Variants in C7orf57 observed in about 807,000 individuals in gnomAD.
C7orf57 encodes chromosome 7 open reading frame 57.
Under a neutral mutation model 39.0 loss-of-function variants are expected in C7orf57, and 33 were observed. The observed-to-expected ratio is 0.85, with a 90% CI of 0.64 to 1.13. The LOEUF is 1.13. Among genes scored for constraint, C7orf57 ranks in the 50% most tolerant of loss-of-function variants. The pLI, the probability that C7orf57 is intolerant of heterozygous loss-of-function variation, is 0.00. For missense variants in C7orf57, 346 were observed against 362.3 expected, an observed-to-expected ratio of 0.95 and a Z score of 0.37; for synonymous variants, 124 against 137.1, an observed-to-expected ratio of 0.90 and a Z score of 0.67.
At chr7:48,050,054 G>A in intron 6 of C7orf57, 77 bp downstream of exon 6, 1 of 960,768 alleles carries the variant, frequency 1.0e-6, no homozygotes, top group Non-Finnish European at 1.7e-6. Context: ...GGTGATGACT[G>A]CGCTAGTGAC....
intron 6 of C7orf57, among the ~76,000 whole-genome samples, chr7:48,051,671 TCTTC>T (rs1325080647): frequency 7.2e-4 from 107 of 147,630 alleles, no homozygotes; most frequent in African/African-American, 1.2e-3. Flanking sequence ...TTTCTTCCTT[TCTTC>T]CTTCCTTCCT....
intron 4 of C7orf57, among the ~76,000 whole-genome samples, chr7:48,043,908 G>A (rs1790631194): frequency 6.6e-6 from 1 of 152,064 alleles, no homozygotes; most frequent in African/African-American, 2.4e-5. Context: ...CTTCCAAGAT[G>A]GTGGTGGGCT....
intron 5 of C7orf57, among the ~76,000 whole-genome samples, chr7:48,048,789 GTTC>G (rs34381864): frequency 0.86 from 130,056 of 151,536 alleles, 56,340 homozygotes; most frequent in Non-Finnish European, 0.93. Flanking sequence ...AGTCTTTATA[GTTC>G]TTCTGGACAG....
chr7:48,054,117 T>TA (rs1406903660), intron 7 of C7orf57, among the ~76,000 whole-genome samples: 1 of 152,150 alleles, frequency 6.6e-6, no homozygotes, highest in Non-Finnish European at 1.5e-5. Context: ...TCAGTGTTGT[T>TA]AAAAAGCACC....
chr7:48,053,682 C>T, intron 7 of C7orf57, among the ~76,000 whole-genome samples: 1 of 152,180 alleles, frequency 6.6e-6, no homozygotes, highest in East Asian at 1.9e-4. Flanking sequence ...AACTCCTGGG[C>T]TCAAACAATT....
intron 2 of C7orf57, among the ~76,000 whole-genome samples, chr7:48,037,646 T>C (rs1288412328): frequency 6.6e-6 from 1 of 152,138 alleles, no homozygotes; most frequent in African/African-American, 2.4e-5. Context: ...AGGCTATATA[T>C]ATATATAAAA....
intron 7 of C7orf57, 38 bp from the exon 8 acceptor site, chr7:48,054,557 T>G (rs1365793013): frequency 6.6e-7 from 1 of 1,520,352 alleles, no homozygotes; most frequent in African/African-American, 1.4e-5. Flanking sequence ...CTTGATCTGT[T>G]TCATTAACCT....
rs1791279857 is a variant in C7orf57, at chr7:48,061,229, G to A, written c.*957G>A. The stretch of plus-strand genomic sequence containing the variant: ...CATTGATCAAACTGATATGCTACAG[G>A]AGAATGTATGCAATGTGTAAAAAAT... On this transcript the variant is annotated 3_prime_UTR_variant, in exon 9 of 9. Transcript: ENST00000348904. 1 of 152,106 alleles carries A rather than the reference G, an allele frequency of 6.6e-6. No homozygotes were observed. The highest frequency in any genetic ancestry group is 2.1e-4 in the South Asian group (1 of 4,828). 9.4% of individuals were successfully genotyped at this position (152,106 alleles called of 1,614,324 possible).
intron 8 of C7orf57, among the ~76,000 whole-genome samples, chr7:48,057,065 GT>G (rs34277879): frequency 0.3 from 43,385 of 143,244 alleles, 6,676 homozygotes; most frequent in Middle Eastern, 0.51. Flanking sequence ...CCATATATCT[GT>G]TTTTTTTTTT....
At position 48,038,862 on chromosome 7, in the gene C7orf57, G is replaced by A. The variant is rs974602057; in HGVS notation, c.56-2472G>A. ...GTGGGATAACTCCAAGTATGTGTGT[G>A]TATGTGGGTGGGGGGTGGTTCCAGG... On this transcript the variant is annotated intron_variant, in intron 2 of 8. Transcript: ENST00000348904. 4.6e-5 allele frequency among the ~76,000 whole-genome samples: 7 copies of A among 152,308 alleles called. No individual in the cohort carries two copies. The East Asian group carries it at 1.2e-3, about 25-fold the overall frequency.
chr7:48,044,133 C>T (rs1341422925), intron 4 of C7orf57, among the ~76,000 whole-genome samples: 1 of 152,146 alleles, frequency 6.6e-6, no homozygotes, highest in Non-Finnish European at 1.5e-5. Flanking sequence ...GAGCCTCTAG[C>T]CCGATGGGGA....
intron 2 of C7orf57, among the ~76,000 whole-genome samples, chr7:48,037,271 G>A (rs990271459): frequency 5.3e-5 from 8 of 152,276 alleles, no homozygotes; most frequent in East Asian, 1.9e-4. Context: ...TTGTCTGTAT[G>A]AACAGCAGTA....
chr7:48,051,750 T>TTTTC (rs368758672), intron 6 of C7orf57, among the ~76,000 whole-genome samples: 4,336 of 54,262 alleles, frequency 0.08, 330 homozygotes, highest in East Asian at 0.11. Flanking sequence ...TTTCTTTTTC[T>TTTTC]TTTCTTTCTT....
chr7:48,043,639 AT>A (rs1375131804), intron 4 of C7orf57, 50 bp downstream of exon 4: 2 of 1,402,976 alleles, frequency 1.4e-6, no homozygotes, highest in Non-Finnish European at 2.0e-6. Context: ...CAGGAAAAAA[AT>A]AGCCCAATTT....
At chr7:48,038,982 T>C (rs1329773748) in intron 2 of C7orf57, among the ~76,000 whole-genome samples, 2 of 152,156 alleles carry the variant, frequency 1.3e-5, no homozygotes, top group Non-Finnish European at 2.9e-5. Context: ...TGGGTTAAGA[T>C]AAGGGGTTGT....
chr7:48,053,443 ATATTT>A (rs1245132401), intron 7 of C7orf57, among the ~76,000 whole-genome samples: 1 of 151,650 alleles, frequency 6.6e-6, no homozygotes, highest in East Asian at 1.9e-4. Flanking sequence ...ATTTATTATA[ATATTT>A]TATTTTATTT....
At chr7:48,055,761 T>C (rs982058583) in intron 8 of C7orf57, among the ~76,000 whole-genome samples, 22 of 152,384 alleles carry the variant, frequency 1.4e-4, no homozygotes, top group African/African-American at 5.3e-4. Context: ...ACTAATGTAC[T>C]CCAGGTTCAT....
intron 8 of C7orf57, among the ~76,000 whole-genome samples, chr7:48,055,040 CTAATTT>C (rs1259740987): frequency 6.6e-6 from 1 of 152,148 alleles, no homozygotes; most frequent in Non-Finnish European, 1.5e-5. Context: ...CAACGCCCAG[CTAATTT>C]TTTGTATTTT....
At chr7:48,051,749 CTTTT>C (rs1256662809) in intron 6 of C7orf57, among the ~76,000 whole-genome samples, 2 of 36,170 alleles carry the variant, frequency 5.5e-5, no homozygotes, top group African/African-American at 1.7e-4. Context: ...CTTTCTTTTT[CTTTT>C]CTTTCTTTCT....
Sources: allele counts gnomAD v4.1 joint callset (sites outside exome capture counted in the v4.1 genomes callset), GRCh38; gene constraint gnomAD v4.1.1; transcripts MANE v1.5; gene names NCBI Gene and HGNC (gene_info 2026-07-23, HGNC 2026-07-21).